ADAM9: variants seen among roughly 807,000 people sequenced by gnomAD.
ADAM9 encodes ADAM metallopeptidase domain 9, also known as disintegrin and metalloproteinase domain-containing protein 9.
In ADAM9, 54 loss-of-function variants were observed where a neutral mutation model predicts 108.1. The ratio of observed to expected loss-of-function variants is 0.50; its 90% confidence interval spans 0.40 to 0.63. ADAM9 has a LOEUF of 0.63. ADAM9 is among the 20% of genes least tolerant of loss of function. ADAM9 has a pLI of 0.00. For missense variants in ADAM9, 830 were observed against 997.7 expected (o/e 0.83, Z 2.26); for synonymous variants, 316 against 336.0 (o/e 0.94, Z 0.65).
intron 18 of ADAM9, among the ~76,000 whole-genome samples, chr8:39,085,933 A>G (rs1839167318): frequency 6.6e-6 from 1 of 150,678 alleles, no homozygotes; most frequent in South Asian, 2.1e-4. Context: ...AATTTTATGT[A>G]TATTTGGCTG....
Position 39,103,155 on chromosome 8 carries a change from A to G in ADAM9, c.2367-452A>G, listed in dbSNP as rs1032551860. Among the ~76,000 whole-genome samples the G allele has an allele frequency of 2.6e-5, 4 of 152,290 alleles. No homozygotes were observed. The East Asian group carries it at 7.7e-4, about 29-fold the overall frequency. On this transcript the variant is annotated intron_variant, in intron 21 of 21. Transcript: ENST00000487273. ...GGTGGAAGTATGAGGTTTGAGATGG[A>G]CAGGTATAGAAGTCATAACACTTTT... is the stretch of plus-strand genomic sequence containing the variant.
chr8:39,004,559 T>G (rs915434460), intron 1 of ADAM9, among the ~76,000 whole-genome samples: 1 of 152,192 alleles, frequency 6.6e-6, no homozygotes, highest in East Asian at 1.9e-4. Flanking sequence ...AAGAGAATTT[T>G]TTTTTAAAAA....
chr8:39,020,390 AT>A (rs942018385), intron 7 of ADAM9, among the ~76,000 whole-genome samples: 7 of 151,942 alleles, frequency 4.6e-5, no homozygotes, highest in African/African-American at 4.8e-5. Flanking sequence ...TATTAAATTA[AT>A]TTTTTTTCTT....
At chr8:39,011,621 G>C (rs1450186332) in intron 2 of ADAM9, 37 bp from the exon 3 acceptor site, 2 of 1,564,982 alleles carry the variant, frequency 1.3e-6, no homozygotes, top group Non-Finnish European at 1.8e-6. Context: ...TAATTTTTAA[G>C]ATGATGTTTT....
chr8:39,045,107 TACATAC>T lies in ADAM9; in HGVS notation c.1302+2992_1302+2997del, dbSNP rs1564297452. ...GCATACATACATATGTGTGTGTGCA[TACATAC>T]ATATGTGTGTGTGCATACATACATA... On this transcript the variant is annotated intron_variant, in intron 12 of 21. Coordinates refer to ENST00000487273, the MANE Select transcript of ADAM9 (RefSeq NM_003816.3). Among the ~76,000 whole-genome samples, 32 of 20,542 alleles carry T rather than the reference TACATAC, an allele frequency of 1.6e-3. 1 individual carries two copies. The highest frequency in any genetic ancestry group is 9.2e-3 in the East Asian group (2 of 218). The allele number at this position is 20,542 out of a possible 152,430, so 13.5% of individuals were successfully genotyped here.
intron 12 of ADAM9, among the ~76,000 whole-genome samples, chr8:39,045,379 C>CGCA (rs1564301099): frequency 1.1e-4 from 4 of 37,878 alleles, no homozygotes; most frequent in Admixed American, 7.2e-4. Context: ...TGTACATACA[C>CGCA]CTATAGGTGT....
At chr8:39,081,138 G>T (rs909874127) in intron 16 of ADAM9, among the ~76,000 whole-genome samples, 1 of 151,834 alleles carries the variant, frequency 6.6e-6, no homozygotes, top group Non-Finnish European at 1.5e-5. Flanking sequence ...AGTGGAGATG[G>T]GGGTTTCACC....
At chr8:39,055,444 T>TA in intron 13 of ADAM9, 133 bp from the exon 14 acceptor site, 1 of 892,436 alleles carries the variant, frequency 1.1e-6, no homozygotes, top group Non-Finnish European at 1.8e-6. Context: ...CCATTGTTCA[T>TA]TTTTCTGTTG....
chr8:39,079,642 T>C (rs866084439), intron 16 of ADAM9, among the ~76,000 whole-genome samples: 4 of 149,558 alleles, frequency 2.7e-5, no homozygotes, highest in Non-Finnish European at 4.4e-5. Flanking sequence ...CAGGCTGGAG[T>C]GCAGTGGTGC....
rs1441299728 is a variant in ADAM9 at position 39,013,855 on chromosome 8, A to G, written c.255-110A>G. ...CATTTAAAAATAATTTATCTGGTGA[A>G]AGTTCTTATTTACTCCTGCTTGTCT... On this transcript the variant is annotated intron_variant, in intron 3 of 21. Transcript: ENST00000487273. The G allele has an allele frequency of 3.5e-6, 3 of 863,746 alleles. No homozygotes were observed. The East Asian group carries it at 7.4e-5, about 21-fold the overall frequency. 53.5% of individuals were successfully genotyped at this position (863,746 alleles called of 1,614,324 possible). A position where few individuals can be genotyped will look rare whatever the true frequency, so the allele number is the denominator to read the frequency against.
Position 39,103,975 on chromosome 8 carries a change from G to T in ADAM9, c.*275G>T. The T allele has an allele frequency of 1.7e-6, 1 of 597,506 alleles. No homozygotes were observed. The allele number at this position is 597,506 out of a possible 1,614,324, so 37.0% of individuals were successfully genotyped here. A position where few individuals can be genotyped will look rare whatever the true frequency, so the allele number is the denominator to read the frequency against. Reference sequence around the variant, plus strand: ...TCGGTGAGGTTAATGCACTAATCATGGATTTTTTGAACATGTTATTGCAGT... The same window carrying T: ...TCGGTGAGGTTAATGCACTAATCATTGATTTTTTGAACATGTTATTGCAGT... On this transcript the variant is annotated 3_prime_UTR_variant, in exon 22 of 22. Transcript: ENST00000487273.
At chr8:39,048,138 C>G (rs914400327) in intron 12 of ADAM9, among the ~76,000 whole-genome samples, 3 of 152,126 alleles carry the variant, frequency 2.0e-5, no homozygotes, top group Non-Finnish European at 4.4e-5. Context: ...CCAGGCTGGT[C>G]TCGATCTCCT....
At chr8:39,060,504 T>C (rs541859293) in intron 14 of ADAM9, among the ~76,000 whole-genome samples, 128 of 152,322 alleles carry the variant, frequency 8.4e-4, no homozygotes, top group African/African-American at 2.8e-3. Flanking sequence ...CTAAACATTG[T>C]GCCATTCTGT....
intron 18 of ADAM9, among the ~76,000 whole-genome samples, chr8:39,083,440 A>C (rs1231691361): frequency 6.6e-6 from 1 of 152,182 alleles, no homozygotes; most frequent in South Asian, 2.1e-4. Context: ...ACAACTCCTT[A>C]ACATGGGTTA....
At chr8:39,050,277 C>G (rs1837914184) in intron 12 of ADAM9, among the ~76,000 whole-genome samples, 1 of 152,076 alleles carries the variant, frequency 6.6e-6, no homozygotes, top group African/African-American at 2.4e-5. Flanking sequence ...TTTGGGCTTC[C>G]TGCATCTGGA....
At chr8:39,096,853 G>A (rs1839521820) in intron 20 of ADAM9, among the ~76,000 whole-genome samples, 1 of 152,060 alleles carries the variant, frequency 6.6e-6, no homozygotes, top group Admixed American at 6.6e-5. Flanking sequence ...TATAGTTCCT[G>A]TCTCTTTGTT....
chr8:39,034,412 A>G (rs1387778824), intron 11 of ADAM9, among the ~76,000 whole-genome samples: 4 of 152,154 alleles, frequency 2.6e-5, no homozygotes, highest in Non-Finnish European at 5.9e-5. Flanking sequence ...GCTGTGTGCC[A>G]GGAAGATATT....
intron 20 of ADAM9, among the ~76,000 whole-genome samples, chr8:39,094,547 G>T (rs1839443056): frequency 6.6e-6 from 1 of 152,066 alleles, no homozygotes; most frequent in Admixed American, 6.5e-5. Flanking sequence ...GACTTTATCA[G>T]GTCCTGAGTT....
rs1316962316 is a variant in ADAM9 at position 39,016,276 on chromosome 8, A to G, written c.410+82A>G. The G allele has an allele frequency of 5.4e-6, 7 of 1,288,506 alleles. No individual in the cohort carries two copies. The East Asian group carries it at 1.4e-4, about 26-fold the overall frequency. 79.8% of individuals were successfully genotyped at this position (1,288,506 alleles called of 1,614,324 possible). A position where few individuals can be genotyped will look rare whatever the true frequency, so the allele number is the denominator to read the frequency against. On this transcript the variant is annotated intron_variant, in intron 5 of 21. Coordinates refer to ENST00000487273, the MANE Select transcript of ADAM9 (RefSeq NM_003816.3). ...CCTGTTTCTGTCTCCAAATTAAATCATTTTGGGCACTTAGCAAAATTGGAA... is the reference window on the plus strand; with the variant it reads ...CCTGTTTCTGTCTCCAAATTAAATCGTTTTGGGCACTTAGCAAAATTGGAA...
Sources: gnomAD v4.1 joint callset for allele counts (sites outside exome capture counted in the v4.1 genomes callset) on GRCh38, gnomAD v4.1.1 for gene constraint, MANE v1.5 for transcripts, NCBI Gene and HGNC (gene_info 2026-07-23, HGNC 2026-07-21) for gene names.